PPFIA4: variants seen among roughly 807,000 people sequenced by gnomAD.
PPFIA4 encodes the protein PPFI scaffold protein A4.
A neutral mutation model predicts 145.7 loss-of-function variants in PPFIA4; 98 were observed. The ratio of observed to expected loss-of-function variants is 0.67; its 90% CI spans 0.57 to 0.80. PPFIA4 has a LOEUF of 0.80. Ranked by LOEUF, PPFIA4 falls within the 30% of genes least tolerant of loss-of-function variation. The pLI is 0.00. For synonymous variants in PPFIA4, 628 were observed against 649.6 expected (o/e 0.97, Z 0.51); for missense variants, 1,457 against 1,632.7 (o/e 0.89, Z 1.85).
chr1:203,067,524 G>A (rs1558099375), intron 25 of PPFIA4, 171 bp from the exon 26 acceptor site: 3 of 614,762 alleles, frequency 4.9e-6, no homozygotes, highest in South Asian at 1.9e-5. Context: ...GAGTAACCTC[G>A]GGATGGGTCG....
chr1:203,062,388 G>A (rs1356459453), intron 24 of PPFIA4, among the ~76,000 whole-genome samples: 1 of 146,144 alleles, frequency 6.8e-6, no homozygotes, highest in African/African-American at 2.5e-5. Flanking sequence ...GCTGAGGCAG[G>A]AGAATGGCGT....
chr1:203,062,042 G>C (rs2102675520), intron 24 of PPFIA4, among the ~76,000 whole-genome samples: 1 of 152,260 alleles, frequency 6.6e-6, no homozygotes, highest in Middle Eastern at 3.4e-3. Flanking sequence ...TCCATTTCAT[G>C]AGCAAACGTT....
chr1:203,057,783 A>G lies in PPFIA4; in HGVS notation c.2407+833A>G, dbSNP rs994037185. ...GTGGGACTCAGAACTCGGCTATGGA[A>G]TGGTGGGGACAACAGGGGCGGCCTC... On this transcript the variant is annotated intron_variant, in intron 19 of 29. Coordinates refer to ENST00000295706, the MANE Select transcript of PPFIA4 (RefSeq NM_001304331.2). Among the ~76,000 whole-genome samples, 7 of 152,214 alleles carry G rather than the reference A, an allele frequency of 4.6e-5. 1 individual carries two copies. The highest frequency in any genetic ancestry group is 1.7e-4 in the African/African-American group (7 of 41,460).
Position 203,045,562 on chromosome 1 carries a change from G to A in PPFIA4, c.858+3G>A. 2.5e-6 allele frequency: 4 copies of A among 1,576,580 alleles called. No homozygotes were observed. Among genetic ancestry groups the A allele is most frequent in the Non-Finnish European group, 3.4e-6 (4 of 1,162,182 alleles). The stretch of plus-strand genomic sequence containing the variant: ...AGCATCAGCGGGACCTCCGGGAGGT[G>A]CGTGAGGGCGCAGGCCTGCTCTGTG... On this transcript the variant is annotated splice_donor_region_variant and intron_variant, in intron 7 of 29. Coordinates refer to ENST00000295706, the MANE Select transcript of PPFIA4 (RefSeq NM_001304331.2).
Position 203,076,444 on chromosome 1 carries a change from C to T in PPFIA4, c.*54C>T. ...TCTGGGTTTCACAGGCTCCTCTGGC[C>T]CTGACCCCTCTTGCTCGTTCCCCTT... is the stretch of plus-strand genomic sequence containing the variant. On this transcript the variant is annotated 3_prime_UTR_variant, in exon 30 of 30. Transcript: ENST00000295706. The T allele has an allele frequency of 2.6e-6, 4 of 1,521,350 alleles. No homozygotes were observed. Among genetic ancestry groups the T allele is most frequent in the Non-Finnish European group, 3.6e-6 (4 of 1,102,864 alleles). 94.2% of individuals were successfully genotyped at this position (1,521,350 alleles called of 1,614,324 possible). A position where few individuals can be genotyped will look rare whatever the true frequency, so the allele number is the denominator to read the frequency against.
chr1:203,049,923 C>T (rs1028922684), intron 13 of PPFIA4, among the ~76,000 whole-genome samples, 156 bp downstream of exon 13: 1 of 152,230 alleles, frequency 6.6e-6, no homozygotes, highest in African/African-American at 2.4e-5. Context: ...CAGAGTCACC[C>T]AGCTTACTTG....
Position 203,056,852 on chromosome 1 carries a change from C to T in PPFIA4, c.2309C>T (p.Ala770Val). 6.2e-7 allele frequency: 1 copy of T among 1,614,090 alleles called. No homozygotes were observed. Among genetic ancestry groups the T allele is most frequent in the Non-Finnish European group, 8.5e-7 (1 of 1,179,898 alleles). Residue 770 changes from alanine to valine, a missense_variant, in exon 19 of 30, where the codon GCC (alanine) becomes GTC (valine). By Grantham distance (64) the Ala-to-Val change is moderately conservative. Around this residue, in one of 3 missense-constraint regions of PPFIA4, gnomAD observed 848 missense variants for 1,046.7 expected, o/e 0.81. Transcript: ENST00000295706. ...NSSQDSLHKG[A>V]KRKGIKSSIG... is the part of the protein sequence containing the mutation. ...AGCCAGGACTCCCTGCACAAGGGCG[C>T]CAAGCGCAAGGGCATCAAGTCGTCC...
At chr1:203,057,096 GT>G in intron 19 of PPFIA4, 146 bp downstream of exon 19, 1 of 1,456,148 alleles carries the variant, frequency 6.9e-7, no homozygotes, top group Non-Finnish European at 9.2e-7. Context: ...TGCAGAAGCA[GT>G]TTTTGGTTAG....
Position 203,060,417 on chromosome 1 carries a change from T to G in PPFIA4, c.2784T>G (p.Thr928=). 1 of 1,612,610 alleles carries G rather than the reference T, an allele frequency of 6.2e-7. No individual in the cohort carries two copies. Among genetic ancestry groups the G allele is most frequent in the Non-Finnish European group, 8.5e-7 (1 of 1,179,786 alleles). ...CCTCTGCCCCACCCACCTCCAGGAC[T>G]GTGAGTGGCCCCTCCTTTGCCCAGG... ...TSPSAPPTSR[T]SSGNVWVTHE... Residue 928 remains threonine, a splice_region_variant and synonymous_variant, in exon 22 of 30, where the codon ACT becomes ACG. Coordinates refer to ENST00000295706, the MANE Select transcript of PPFIA4 (RefSeq NM_001304331.2). The surrounding 1 kb of genome is among the most constrained non-coding windows in gnomAD (Gnocchi z 4.8).
chr1:203,051,218 C>G (rs2102648957), intron 13 of PPFIA4: 1 of 985,326 alleles, frequency 1.0e-6, no homozygotes, highest in East Asian at 1.1e-4. Flanking sequence ...AGTGTTAGGG[C>G]CTCCTAAAGC....
At position 203,045,849 on chromosome 1, in the gene PPFIA4, C is replaced by T. The variant is rs748540786; in HGVS notation, c.867C>T (p.Ala289=). The T allele has an allele frequency of 8.7e-6, 14 of 1,612,818 alleles. No individual in the cohort carries two copies. Among genetic ancestry groups the T allele is most frequent in the Non-Finnish European group, 1.0e-5 (12 of 1,179,858 alleles). The change falls in exon 8 of 30, where the codon GCC becomes GCT. Residue 289 remains alanine (A), a synonymous_variant. Coordinates refer to ENST00000295706, the MANE Select transcript of PPFIA4 (RefSeq NM_001304331.2). ...KHQRDLREAL[A]QKEDMEERIT... is the part of the protein sequence containing the mutation. Reference sequence around the variant, plus strand: ...GTCCCCTCTTCTCCCAGGCTCTGGCCCAGAAGGAGGACATGGAAGAGCGGA... The same window carrying T: ...GTCCCCTCTTCTCCCAGGCTCTGGCTCAGAAGGAGGACATGGAAGAGCGGA...
chr1:203,051,580 G>A (rs1571698703), intron 13 of PPFIA4, 189 bp from the exon 14 acceptor site: 2 of 1,104,040 alleles, frequency 1.8e-6, no homozygotes, highest in East Asian at 3.0e-5. Flanking sequence ...TCTGACCCCT[G>A]GAGCACCAGG....
intron 16 of PPFIA4, 84 bp from the exon 17 acceptor site, chr1:203,056,036 T>A (rs969697411): frequency 2.1e-5 from 29 of 1,401,254 alleles, no homozygotes; most frequent in Middle Eastern, 1.8e-4. Context: ...TATCTTCTCA[T>A]CCTAAGACCA....
chr1:203,042,181 G>T (rs1253310392), intron 2 of PPFIA4, among the ~76,000 whole-genome samples: 8 of 152,112 alleles, frequency 5.3e-5, no homozygotes, highest in Non-Finnish European at 1.2e-4. Context: ...ACAGAGTTGG[G>T]GCCACTCATT....
chr1:203,064,422 C>T (rs1890414), intron 25 of PPFIA4, among the ~76,000 whole-genome samples: 49,803 of 152,042 alleles, frequency 0.33, 8,465 homozygotes, highest in Middle Eastern at 0.41. Context: ...GAAGGTCTTC[C>T]TGGGCCATTG....
Position 203,068,628 on chromosome 1 carries a change from G to T in PPFIA4, c.3324G>T (p.Gln1108His). The T allele has an allele frequency of 6.6e-7, 1 of 1,514,464 alleles. No homozygotes were observed. The highest frequency in any genetic ancestry group is 2.5e-5 in the East Asian group (1 of 39,230). 93.8% of individuals were successfully genotyped at this position (1,514,464 alleles called of 1,614,324 possible). Residue 1108 changes from glutamine to histidine, a missense_variant and splice_region_variant, in exon 27 of 30, where the codon CAG becomes CAT. By Grantham distance (24) the Gln-to-His change is conservative (BLOSUM62 0). Transcript: ENST00000295706. The surrounding 1 kb of genome is among the most constrained non-coding windows in gnomAD (Gnocchi z 4.7). ...LILQIPTQNT[Q>H]ARQVMEREFN... ...TCCAGATCCCCACACAGAACACCCA[G>T]GTGGGCAGCCTTTTAATCAGTCAAC...
At position 203,048,144 on chromosome 1, in the gene PPFIA4, C is replaced by G; in HGVS notation, c.1141-83C>G. The G allele has an allele frequency of 7.3e-7, 1 of 1,371,486 alleles. No individual in the cohort carries two copies. Among genetic ancestry groups the G allele is most frequent in the Non-Finnish European group, 1.0e-6 (1 of 975,686 alleles). 85.0% of individuals were successfully genotyped at this position (1,371,486 alleles called of 1,614,324 possible). A position where few individuals can be genotyped will look rare whatever the true frequency, so the allele number is the denominator to read the frequency against. On this transcript the variant is annotated intron_variant, in intron 9 of 29. Transcript: ENST00000295706. This position sits in a 1 kb window ranked among gnomAD's most constrained non-coding sequence, Gnocchi z 5.8. Reference sequence around the variant, plus strand: ...GGGGGCCATGATCCCCAGGGCCACCCTGGCACCAGGGTGCAGGGGATGCGG... The same window carrying G: ...GGGGGCCATGATCCCCAGGGCCACCGTGGCACCAGGGTGCAGGGGATGCGG...
intron 13 of PPFIA4, chr1:203,051,546 C>T (rs1660506673): frequency 2.4e-6 from 2 of 843,550 alleles, no homozygotes; most frequent in Non-Finnish European, 3.3e-6. Flanking sequence ...AAACCGCTCT[C>T]TGGAACTTTC....
intron 1 of PPFIA4, among the ~76,000 whole-genome samples, chr1:203,032,426 C>CTTTTTTT (rs67178955): frequency 3.9e-4 from 23 of 59,474 alleles, no homozygotes; most frequent in African/African-American, 6.2e-4. Context: ...CCCTTCCCCG[C>CTTTTTTT]TTTTTTGTTG....
Sources: allele counts gnomAD v4.1 joint callset (sites outside exome capture counted in the v4.1 genomes callset), GRCh38; gene constraint gnomAD v4.1.1; regional missense constraint gnomAD v4.1.1; non-coding constraint Gnocchi (gnomAD v3.1); transcripts MANE v1.5; gene names NCBI Gene and HGNC (gene_info 2026-07-23, HGNC 2026-07-21).